The following TTL variants were observed in gnomAD, a reference collection of about 807,000 sequenced individuals.
TTL encodes tubulin tyrosine ligase.
In TTL, 10 loss-of-function variants were observed where a neutral mutation model predicts 41.1. The ratio of observed to expected loss-of-function variants is 0.24; its 90% CI spans 0.15 to 0.41. The LOEUF (loss-of-function observed/expected upper bound fraction) is 0.41, where lower values mean the gene tolerates loss of function less well. TTL is among the 10% of genes least tolerant of loss of function. The pLI, the probability that TTL is intolerant of heterozygous loss-of-function variation, is 1.00. For missense variants in TTL, 367 were observed against 460.4 expected (o/e 0.80, Z 1.86); for synonymous variants, 175 against 175.5 (o/e 1.00, Z 0.02).
rs1294107265 is a variant in TTL at position 112,529,164 on chromosome 2, T to G, written c.*369T>G. ...GCTCCATGCCCGGCTGCAGCCCCAC[T>G]GCTCTGGACTATGGATTGGACGTCA... On this transcript the variant is annotated 3_prime_UTR_variant, in exon 7 of 7. Coordinates refer to ENST00000233336, the MANE Select transcript of TTL (RefSeq NM_153712.5). The G allele has an allele frequency of 2.2e-5, 8 of 368,748 alleles. No homozygotes were observed. The Admixed American group carries it at 2.9e-4, about 13-fold the overall frequency. 22.8% of individuals were successfully genotyped at this position (368,748 alleles called of 1,614,324 possible). A position where few individuals can be genotyped will look rare whatever the true frequency, so the allele number is the denominator to read the frequency against.
At chr2:112,525,205 A>G (rs1682339760) in intron 6 of TTL, among the ~76,000 whole-genome samples, 1 of 152,126 alleles carries the variant, frequency 6.6e-6, no homozygotes, top group Non-Finnish European at 1.5e-5. Context: ...CTTGTAGTAT[A>G]GTTTGAAGTC....
In TTL at chr2:112,482,366, G is replaced by A. The variant is rs368810277; in HGVS notation, c.22G>A (p.Asp8Asn). MYTFVVR[D>N]ENSSVYAEVS... Reference sequence around the variant, plus strand: ...CGCCATGTACACCTTCGTGGTACGCGATGAGAACAGCAGCGTCTACGCCGA... The same window carrying A: ...CGCCATGTACACCTTCGTGGTACGCAATGAGAACAGCAGCGTCTACGCCGA... Residue 8 changes from aspartate to asparagine, a missense_variant, in exon 1 of 7, where the codon GAT (aspartate) becomes AAT (asparagine). Coordinates refer to ENST00000233336, the MANE Select transcript of TTL (RefSeq NM_153712.5). This position sits in a 1 kb window ranked among gnomAD's most constrained non-coding sequence, Gnocchi z 5.3. 2 of 1,570,694 alleles carry A rather than the reference G, an allele frequency of 1.3e-6. No homozygotes were observed. Among genetic ancestry groups the A allele is most frequent in the African/African-American group, 1.4e-5 (1 of 73,952 alleles).
chr2:112,507,446 AG>A (rs1681820100), intron 5 of TTL, among the ~76,000 whole-genome samples: 1 of 57,622 alleles, frequency 1.7e-5, no homozygotes, highest in Admixed American at 1.9e-4. Context: ...AATGTGTGGG[AG>A]TCTAAGTCTC....
At position 112,529,598 on chromosome 2, in the gene TTL, G is replaced by T. The variant is rs1185120094; in HGVS notation, c.*803G>T. 2.2e-5 allele frequency: 5 copies of T among 228,184 alleles called. No homozygotes were observed. Among genetic ancestry groups the T allele is most frequent in the Non-Finnish European group, 4.3e-5 (5 of 115,078 alleles). The allele number at this position is 228,184 out of a possible 1,614,324, so 14.1% of individuals were successfully genotyped here. A position where few individuals can be genotyped will look rare whatever the true frequency, so the allele number is the denominator to read the frequency against. ...TGCTTTAACCAAAATTCTAAATGCA[G>T]TTTTGCCTAGTTCCCTTTTTTTTTC... On this transcript the variant is annotated 3_prime_UTR_variant, in exon 7 of 7. Coordinates refer to ENST00000233336, the MANE Select transcript of TTL (RefSeq NM_153712.5).
At chr2:112,487,246 C>G (rs1243282330) in intron 2 of TTL, among the ~76,000 whole-genome samples, 2 of 152,096 alleles carry the variant, frequency 1.3e-5, no homozygotes, top group Admixed American at 6.6e-5. Context: ...CACTCATTGG[C>G]CCTGGTAACT....
chr2:112,482,208 G>T lies in TTL; in HGVS notation c.-137G>T. The T allele has an allele frequency of 2.1e-6, 1 of 472,280 alleles. No homozygotes were observed. The allele number at this position is 472,280 out of a possible 1,614,324, so 29.3% of individuals were successfully genotyped here. A position where few individuals can be genotyped will look rare whatever the true frequency, so the allele number is the denominator to read the frequency against. On this transcript the variant is annotated 5_prime_UTR_variant, in exon 1 of 7. Transcript: ENST00000233336. This position sits in a 1 kb window ranked among gnomAD's most constrained non-coding sequence, Gnocchi z 5.3. ...CCCGGGCGCGGCGCCGCCGGCACCC[G>T]AGAGGCGCGGTAGCCGGCGCGGGCG...
At chr2:112,502,056 A>G (rs896006513) in intron 4 of TTL, among the ~76,000 whole-genome samples, 2 of 152,196 alleles carry the variant, frequency 1.3e-5, no homozygotes, top group East Asian at 3.9e-4. Flanking sequence ...CACTCTGTGG[A>G]TTTTATGACC....
At chr2:112,503,213 T>C (rs1218220247) in intron 5 of TTL, 32 bp downstream of exon 5, 1 of 1,528,590 alleles carries the variant, frequency 6.5e-7, no homozygotes, top group East Asian at 2.3e-5. Flanking sequence ...GGATTACGTG[T>C]TTCTTCTTGA....
At position 112,531,046 on chromosome 2, in the gene TTL, C is replaced by G. The variant is rs1230542944; in HGVS notation, c.*2251C>G. ...TGCAGTGGCTATTCGCAGTTGTAAT[C>G]ATAGCACACTGCAGCCTCGAATTTC... is the stretch of plus-strand genomic sequence containing the variant. On this transcript the variant is annotated 3_prime_UTR_variant, in exon 7 of 7. Transcript: ENST00000233336. The G allele has an allele frequency of 5.0e-6, 1 of 198,912 alleles. No homozygotes were observed. The allele number at this position is 198,912 out of a possible 1,614,324, so 12.3% of individuals were successfully genotyped here.
At chr2:112,503,977 C>A (rs1263719825) in intron 5 of TTL, among the ~76,000 whole-genome samples, 1 of 78,030 alleles carries the variant, frequency 1.3e-5, no homozygotes, top group African/African-American at 4.9e-5. Flanking sequence ...CCCGACCCCA[C>A]CACAGTCCCC....
At position 112,539,506 on chromosome 2, in the gene TTL, A is replaced by G. The variant is rs1287541763; in HGVS notation, c.*10711A>G. Reference sequence around the variant, plus strand: ...GAAAAAACCTTTCAACAAACTAGAAATAAATTACTTCCTCAACATGATAAA... The same window carrying G: ...GAAAAAACCTTTCAACAAACTAGAAGTAAATTACTTCCTCAACATGATAAA... On this transcript the variant is annotated 3_prime_UTR_variant, in exon 7 of 7. Coordinates refer to ENST00000233336, the MANE Select transcript of TTL (RefSeq NM_153712.5). 1.3e-5 allele frequency: 2 copies of G among 152,232 alleles called. No homozygotes were observed. Among genetic ancestry groups the G allele is most frequent in the East Asian group, 3.8e-4 (2 of 5,206 alleles). 9.4% of individuals were successfully genotyped at this position (152,232 alleles called of 1,614,324 possible).
rs1325264080 is a variant in TTL, at chr2:112,501,640, GAT to G, written c.605+300_605+301del. Among the ~76,000 whole-genome samples, 33 of 152,232 alleles carry G rather than the reference GAT, an allele frequency of 2.2e-4. 1 individual carries two copies. Among genetic ancestry groups the G allele is most frequent in the South Asian group, 1.5e-3 (7 of 4,822 alleles). Reference sequence around the variant, plus strand: ...CCCAGCACTTTGGGAGGCCAGGGTGGATGGATCACCTGAGGTCAGGAGTTCGA... The same window carrying G: ...CCCAGCACTTTGGGAGGCCAGGGTGGGGATCACCTGAGGTCAGGAGTTCGA... On this transcript the variant is annotated intron_variant, in intron 4 of 6. Transcript: ENST00000233336.
chr2:112,486,591 C>T (rs762899431), intron 2 of TTL, among the ~76,000 whole-genome samples: 7 of 152,204 alleles, frequency 4.6e-5, no homozygotes, highest in Non-Finnish European at 1.0e-4. Context: ...ATTCACTGCA[C>T]TGCCCATCTC....
rs879275762 is a variant in TTL, at chr2:112,523,469, CCTGTCACTGGGGAGTCTTCCT to C, written c.1019+3086_1019+3106del. On this transcript the variant is annotated intron_variant, in intron 6 of 6. Transcript: ENST00000233336. Reference sequence around the variant, plus strand: ...CTTAGCTGCCACTGGAAAGTCTTCCCCTGTCACTGGGGAGTCTTCCTCTGTCACTGGGGAGTCTTCCTCTGT... The same window carrying C: ...CTTAGCTGCCACTGGAAAGTCTTCCCCTGTCACTGGGGAGTCTTCCTCTGT... Among the ~76,000 whole-genome samples the C allele has an allele frequency of 1.9e-3, 287 of 152,026 alleles. 2 individuals are homozygous for C. Among genetic ancestry groups the C allele is most frequent in the Middle Eastern group, 0.017 (5 of 294 alleles).
rs1281786314 is a variant in TTL at position 112,537,182 on chromosome 2, G to A, written c.*8387G>A. ...TGCAACCTCCGCCTCCTGGGTTTAA[G>A]CGATTCTCCTGCCTCAGCCTCCCAA... On this transcript the variant is annotated 3_prime_UTR_variant, in exon 7 of 7. Transcript: ENST00000233336. 1 of 148,944 alleles carries A rather than the reference G, an allele frequency of 6.7e-6. No individual in the cohort carries two copies. The highest frequency in any genetic ancestry group is 1.5e-5 in the Non-Finnish European group (1 of 67,482). 9.2% of individuals were successfully genotyped at this position (148,944 alleles called of 1,614,324 possible).
intron 5 of TTL, among the ~76,000 whole-genome samples, chr2:112,516,327 T>C (rs1214466674): frequency 1.3e-5 from 2 of 152,214 alleles, no homozygotes; most frequent in Non-Finnish European, 2.9e-5. Flanking sequence ...GGATATCCCA[T>C]TGACCCAGGG....
rs1233300009 is a variant in TTL, at chr2:112,534,736, G to A, written c.*5941G>A. 1 of 152,228 alleles carries A rather than the reference G, an allele frequency of 6.6e-6. No individual in the cohort carries two copies. The highest frequency in any genetic ancestry group is 1.5e-5 in the Non-Finnish European group (1 of 68,046). The allele number at this position is 152,228 out of a possible 1,614,324, so 9.4% of individuals were successfully genotyped here. Reference sequence around the variant, plus strand: ...ACAAACAAACTGACCAAAAGACTTAGAAGGAAAAACTGGGAATGAGATTTC... The same window carrying A: ...ACAAACAAACTGACCAAAAGACTTAAAAGGAAAAACTGGGAATGAGATTTC... On this transcript the variant is annotated 3_prime_UTR_variant, in exon 7 of 7. Coordinates refer to ENST00000233336, the MANE Select transcript of TTL (RefSeq NM_153712.5).
chr2:112,522,873 C>T (rs1465459991), intron 6 of TTL, among the ~76,000 whole-genome samples: 1 of 152,184 alleles, frequency 6.6e-6, no homozygotes, highest in Admixed American at 6.5e-5. Context: ...GGGTGTCTTC[C>T]ACCATAGTGA....
chr2:112,485,564 C>G (rs1399840024), intron 1 of TTL, among the ~76,000 whole-genome samples: 1 of 152,102 alleles, frequency 6.6e-6, no homozygotes, highest in Non-Finnish European at 1.5e-5. Context: ...TACAGAGTGA[C>G]AAGTCTATAT....
Sources: allele counts gnomAD v4.1 joint callset (sites outside exome capture counted in the v4.1 genomes callset), GRCh38; gene constraint gnomAD v4.1.1; non-coding constraint Gnocchi (gnomAD v3.1); transcripts MANE v1.5; gene names NCBI Gene and HGNC (gene_info 2026-07-23, HGNC 2026-07-21).